PLPP3: variants seen among roughly 807,000 people sequenced by gnomAD.
PLPP3 encodes phospholipid phosphatase 3, also known as PAP2 beta.
PLPP3 carries 6 observed loss-of-function variants against 29.6 expected under a neutral mutation model. The ratio of observed to expected loss-of-function variants is 0.20; its 90% CI spans 0.11 to 0.40. The LOEUF (loss-of-function observed/expected upper bound fraction) is 0.40. Among genes scored for constraint, PLPP3 ranks in the 10% least tolerant of loss-of-function variants. PLPP3 has a pLI of 1.00. For missense variants in PLPP3, 308 were observed against 407.7 expected (o/e 0.76, Z 2.11); for synonymous variants, 152 against 159.7 (o/e 0.95, Z 0.36).
At position 56,495,622 on chromosome 1, in the gene PLPP3, A is replaced by C. The variant is rs1247932955; in HGVS notation, c.*929T>G. On this transcript the variant is annotated 3_prime_UTR_variant, in exon 6 of 6. Transcript: ENST00000371250. ...TTCATTCTGCCCCCTTCACCCTCCCATCTGTTGTACAGAAGGCTGCTTTCC... is the reference window on the plus strand; with the variant it reads ...TTCATTCTGCCCCCTTCACCCTCCCCTCTGTTGTACAGAAGGCTGCTTTCC... 1 of 152,570 alleles carries C rather than the reference A, an allele frequency of 6.6e-6. No individual in the cohort carries two copies. Among genetic ancestry groups the C allele is most frequent in the African/African-American group, 2.4e-5 (1 of 41,404 alleles). The allele number at this position is 152,570 out of a possible 1,614,324, so 9.5% of individuals were successfully genotyped here.
intron 1 of PLPP3, among the ~76,000 whole-genome samples, chr1:56,542,049 A>G (rs1645973365): frequency 6.6e-6 from 1 of 151,806 alleles, no homozygotes; most frequent in African/African-American, 2.4e-5. Flanking sequence ...TCAAGGATCA[A>G]TTAACTTCAT....
At chr1:56,520,201 C>A (rs1165012730) in intron 4 of PLPP3, among the ~76,000 whole-genome samples, 30 of 152,210 alleles carry the variant, frequency 2.0e-4, no homozygotes, top group Admixed American at 2.0e-3. Flanking sequence ...ATCACTTCCA[C>A]TTTCCAGATG....
chr1:56,522,150 T>C (rs1268757547), intron 4 of PLPP3, among the ~76,000 whole-genome samples: 1 of 152,188 alleles, frequency 6.6e-6, no homozygotes, highest in Non-Finnish European at 1.5e-5. Flanking sequence ...CTGAACTTCT[T>C]AGATTCAAAT....
intron 1 of PLPP3, among the ~76,000 whole-genome samples, chr1:56,540,389 C>T (rs1202363461): frequency 6.6e-6 from 1 of 151,930 alleles, no homozygotes; most frequent in African/African-American, 2.4e-5. Context: ...CTGAGTAATG[C>T]CAGCATAGAG....
At chr1:56,514,263 C>T (rs59482529) in intron 4 of PLPP3, among the ~76,000 whole-genome samples, 1 of 151,180 alleles carries the variant, frequency 6.6e-6, no homozygotes, top group Non-Finnish European at 1.5e-5. Context: ...GGATACTTGA[C>T]CAGAATCCTA....
chr1:56,530,824 A>G (rs1377851382), intron 2 of PLPP3, among the ~76,000 whole-genome samples: 1 of 152,106 alleles, frequency 6.6e-6, no homozygotes, highest in Non-Finnish European at 1.5e-5. Flanking sequence ...CTTATATTCC[A>G]TTCATTCAGC....
intron 1 of PLPP3, among the ~76,000 whole-genome samples, chr1:56,557,376 C>CA (rs200121964): frequency 2.1e-4 from 30 of 145,576 alleles, no homozygotes; most frequent in South Asian, 4.3e-4. Context: ...GACTCCTTCT[C>CA]AAAAGAAAAA....
At chr1:56,502,347 C>A (rs1355437285) in intron 5 of PLPP3, among the ~76,000 whole-genome samples, 1 of 152,122 alleles carries the variant, frequency 6.6e-6, no homozygotes, top group Admixed American at 6.5e-5. Flanking sequence ...ATTTTAGAAT[C>A]TTAGAACCTC....
chr1:56,517,817 T>C lies in PLPP3; in HGVS notation c.634-5665A>G, dbSNP rs572129668. ...GAACTTCAGACTCCTCTAATTCACC[T>C]GCACACACTTCCATCAACCTCCACA... On this transcript the variant is annotated intron_variant, in intron 4 of 5. Coordinates refer to ENST00000371250, the MANE Select transcript of PLPP3 (RefSeq NM_003713.5). Among the ~76,000 whole-genome samples the C allele has an allele frequency of 4.6e-5, 7 of 152,360 alleles. No individual in the cohort carries two copies. In the South Asian group the frequency reaches 8.3e-4, roughly 18 times the overall value.
chr1:56,535,506 A>T (rs563457623), intron 2 of PLPP3, among the ~76,000 whole-genome samples: 6 of 152,216 alleles, frequency 3.9e-5, no homozygotes, highest in Non-Finnish European at 5.9e-5. Flanking sequence ...GCCACAGCAC[A>T]TGACTGCTTC....
intron 5 of PLPP3, among the ~76,000 whole-genome samples, chr1:56,498,602 A>G (rs550023404): frequency 6.6e-6 from 1 of 151,762 alleles, no homozygotes; most frequent in African/African-American, 2.4e-5. Context: ...GTCTCAGAGG[A>G]AGAGGTTTTG....
At chr1:56,568,873 A>C (rs1016620297) in intron 1 of PLPP3, among the ~76,000 whole-genome samples, 34 of 151,092 alleles carry the variant, frequency 2.3e-4, no homozygotes, top group Non-Finnish European at 4.4e-4. Flanking sequence ...GATCCACCCC[A>C]CTCGGCCTCC....
chr1:56,530,993 T>C (rs1645884021), intron 2 of PLPP3, among the ~76,000 whole-genome samples: 1 of 152,172 alleles, frequency 6.6e-6, no homozygotes, highest in South Asian at 2.1e-4. Flanking sequence ...TGGGTTAGAG[T>C]TTGGCTCTTT....
At chr1:56,561,773 G>A (rs1194425685) in intron 1 of PLPP3, among the ~76,000 whole-genome samples, 1 of 151,988 alleles carries the variant, frequency 6.6e-6, no homozygotes, top group Non-Finnish European at 1.5e-5. Flanking sequence ...GGTGGCTCAC[G>A]CCTGTAATCC....
At chr1:56,535,541 C>A (rs1645920760) in intron 2 of PLPP3, among the ~76,000 whole-genome samples, 2 of 152,114 alleles carry the variant, frequency 1.3e-5, no homozygotes, top group Admixed American at 1.3e-4. Flanking sequence ...GGTCAGGAAG[C>A]ATTGTAATTA....
intron 5 of PLPP3, among the ~76,000 whole-genome samples, chr1:56,502,236 C>T (rs2100221382): frequency 1.3e-5 from 2 of 152,286 alleles, no homozygotes; most frequent in South Asian, 4.1e-4. Flanking sequence ...TTCCTAGGGT[C>T]CCTGAGTGTA....
chr1:56,572,052 T>TTC (rs1553140704), intron 1 of PLPP3, among the ~76,000 whole-genome samples: 2 of 133,432 alleles, frequency 1.5e-5, no homozygotes, highest in Admixed American at 7.6e-5. Context: ...GGTTTTTTTT[T>TTC]TTTTTTTTTT....
chr1:56,547,486 G>C (rs1282945138), intron 1 of PLPP3, among the ~76,000 whole-genome samples: 1 of 152,094 alleles, frequency 6.6e-6, no homozygotes, highest in Non-Finnish European at 1.5e-5. Flanking sequence ...CTAATAAAGA[G>C]TAGACAATTC....
intron 2 of PLPP3, among the ~76,000 whole-genome samples, chr1:56,525,344 C>T (rs139854077): frequency 6.6e-6 from 1 of 152,304 alleles, no homozygotes; most frequent in African/African-American, 2.4e-5. Context: ...TCCAGTCAGC[C>T]TGTGCTGTCT....
Sources: gnomAD v4.1 joint callset for allele counts (sites outside exome capture counted in the v4.1 genomes callset) on GRCh38, gnomAD v4.1.1 for gene constraint, MANE v1.5 for transcripts, NCBI Gene and HGNC (gene_info 2026-07-23, HGNC 2026-07-21) for gene names.